FNDC3B: variants seen among roughly 807,000 people sequenced by gnomAD.
FNDC3B encodes fibronectin type III domain-containing protein 3B.
FNDC3B carries 12 observed loss-of-function variants against 151.5 expected under a neutral mutation model. The ratio of observed to expected loss-of-function variants is 0.08; its 90% confidence interval spans 0.05 to 0.13. The LOEUF (loss-of-function observed/expected upper bound fraction) is 0.13, where lower values mean the gene tolerates loss of function less well. Ranked by LOEUF, FNDC3B falls within the 10% of genes least tolerant of loss-of-function variation. FNDC3B has a pLI of 1.00. For missense variants in FNDC3B, 1,214 were observed against 1,505.3 expected (o/e 0.81, Z 3.20); for synonymous variants, 528 against 549.0 (o/e 0.96, Z 0.54).
At chr3:172,239,318 T>A (rs111247169) in intron 4 of FNDC3B, among the ~76,000 whole-genome samples, 1,854 of 152,284 alleles carry the variant, frequency 0.012, 24 homozygotes, top group Middle Eastern at 0.02. Flanking sequence ...GTTCTTCTCT[T>A]TGTTCATTGT....
intron 9 of FNDC3B, among the ~76,000 whole-genome samples, chr3:172,299,693 T>G (rs959750616): frequency 1.3e-4 from 20 of 152,174 alleles, no homozygotes; most frequent in Non-Finnish European, 2.9e-4. Flanking sequence ...TATACATCTA[T>G]TACTATACTT....
rs539301599 is a variant in FNDC3B, at chr3:172,352,688, C to A, written c.2515-115C>A. ...AGACATTTTCTAGGATTTATTTCTA[C>A]CTGCATATGTGGAAATGTGTACTAC... On this transcript the variant is annotated intron_variant, in intron 21 of 25. Transcript: ENST00000415807. The surrounding 1 kb of genome is among the most constrained non-coding windows in gnomAD (Gnocchi z 4.2). The A allele has an allele frequency of 2.1e-5, 21 of 1,024,080 alleles. No homozygotes were observed. In the African/African-American group the frequency reaches 2.6e-4, roughly 12 times the overall value. The allele number at this position is 1,024,080 out of a possible 1,614,324, so 63.4% of individuals were successfully genotyped here.
At position 172,228,956 on chromosome 3, in the gene FNDC3B, C is replaced by T. The variant is rs1292385802; in HGVS notation, c.264+2009C>T. Among the ~76,000 whole-genome samples, 9 of 152,030 alleles carry T rather than the reference C, an allele frequency of 5.9e-5. No homozygotes were observed. The East Asian group carries it at 7.7e-4, about 13-fold the overall frequency. ...GATGTGTACACAACATCTTCTTTAA[C>T]GCTGGCAGTACACACACTTCAATGA... On this transcript the variant is annotated intron_variant, in intron 4 of 25. Transcript: ENST00000415807.
At chr3:172,104,398 A>C (rs531208954) in intron 1 of FNDC3B, among the ~76,000 whole-genome samples, 1 of 150,538 alleles carries the variant, frequency 6.6e-6, no homozygotes, top group African/African-American at 2.4e-5. Context: ...CCTGTCCACT[A>C]TAGTTTTTTT....
chr3:172,059,887 C>T (rs1717107114), intron 1 of FNDC3B, among the ~76,000 whole-genome samples: 1 of 152,146 alleles, frequency 6.6e-6, no homozygotes, highest in Non-Finnish European at 1.5e-5. Flanking sequence ...ATTCCTAGGG[C>T]AGTTCCTTTT....
intron 11 of FNDC3B, 57 bp from the exon 12 acceptor site, chr3:172,328,895 G>T (rs1440791023): frequency 1.5e-6 from 2 of 1,329,352 alleles, no homozygotes; most frequent in Middle Eastern, 1.9e-4. Context: ...TTTATTTAGG[G>T]TTATCTGTTG....
At chr3:172,124,132 C>T (rs1003189121) in intron 2 of FNDC3B, among the ~76,000 whole-genome samples, 1 of 152,084 alleles carries the variant, frequency 6.6e-6, no homozygotes, top group Non-Finnish European at 1.5e-5. Flanking sequence ...GCTCTGTCGC[C>T]CAGGCTGGAG....
At chr3:172,275,626 G>C (rs554208141) in intron 6 of FNDC3B, among the ~76,000 whole-genome samples, 16 of 152,290 alleles carry the variant, frequency 1.1e-4, no homozygotes, top group Non-Finnish European at 1.6e-4. Context: ...TAATACCAGA[G>C]AGCTTCTATT....
chr3:172,159,715 C>G (rs1722673159), intron 3 of FNDC3B, among the ~76,000 whole-genome samples: 1 of 152,000 alleles, frequency 6.6e-6, no homozygotes. Context: ...TTGGGTTTGT[C>G]AGTAATAGCT....
chr3:172,199,182 T>A (rs970449586), intron 3 of FNDC3B, among the ~76,000 whole-genome samples: 2 of 146,244 alleles, frequency 1.4e-5, no homozygotes, highest in African/African-American at 5.2e-5. Flanking sequence ...TTATTTTATT[T>A]TTTATTTTTT....
chr3:172,215,276 C>T (rs948678614), intron 3 of FNDC3B, among the ~76,000 whole-genome samples: 5 of 152,214 alleles, frequency 3.3e-5, no homozygotes, highest in Non-Finnish European at 7.3e-5. Context: ...TTCTCTGTCC[C>T]CACTGGGAGA....
intron 8 of FNDC3B, 32 bp from the exon 9 acceptor site, chr3:172,298,696 A>T: frequency 6.5e-7 from 1 of 1,546,784 alleles, no homozygotes; most frequent in Non-Finnish European, 8.9e-7. Flanking sequence ...TGAAACTGGA[A>T]TTAGCAACTA....
intron 2 of FNDC3B, among the ~76,000 whole-genome samples, chr3:172,130,391 A>G (rs1388620166): frequency 1.3e-5 from 2 of 152,138 alleles, no homozygotes; most frequent in Non-Finnish European, 2.9e-5. Context: ...TGCTATGGCT[A>G]CTCAGCAGCA....
intron 4 of FNDC3B, among the ~76,000 whole-genome samples, chr3:172,233,689 C>T (rs73880132): frequency 0.014 from 2,097 of 152,296 alleles, 56 homozygotes; most frequent in African/African-American, 0.048. Context: ...TCACCTTCAA[C>T]GTTGTGAAAA....
At chr3:172,088,248 G>A (rs1293069160) in intron 1 of FNDC3B, among the ~76,000 whole-genome samples, 2 of 152,254 alleles carry the variant, frequency 1.3e-5, no homozygotes, top group Non-Finnish European at 2.9e-5. Flanking sequence ...TAGCAAAACC[G>A]CTGTACTGGT....
intron 9 of FNDC3B, among the ~76,000 whole-genome samples, chr3:172,303,324 C>T (rs1380292015): frequency 6.6e-6 from 1 of 152,132 alleles, no homozygotes; most frequent in African/African-American, 2.4e-5. Context: ...ATTTGGCAAA[C>T]AAGTTGCCCA....
At chr3:172,220,042 G>A (rs1726199550) in intron 3 of FNDC3B, among the ~76,000 whole-genome samples, 1 of 136,430 alleles carries the variant, frequency 7.3e-6, no homozygotes, top group Non-Finnish European at 1.6e-5. Context: ...GAATTGGTGG[G>A]TCATAAGGTA....
At chr3:172,388,126 T>A (rs1735813843) in intron 25 of FNDC3B, among the ~76,000 whole-genome samples, 1 of 152,310 alleles carries the variant, frequency 6.6e-6, no homozygotes, top group South Asian at 2.1e-4. Flanking sequence ...GATGATAACA[T>A]GGTGCAATTA....
chr3:172,194,107 C>A (rs1039229646), intron 3 of FNDC3B, among the ~76,000 whole-genome samples: 1 of 152,088 alleles, frequency 6.6e-6, no homozygotes, highest in African/African-American at 2.4e-5. Flanking sequence ...GTAGTCCCAG[C>A]TACTTGGGAG....
Sources: allele counts gnomAD v4.1 joint callset (sites outside exome capture counted in the v4.1 genomes callset), GRCh38; gene constraint gnomAD v4.1.1; non-coding constraint Gnocchi (gnomAD v3.1); transcripts MANE v1.5; gene names NCBI Gene and HGNC (gene_info 2026-07-23, HGNC 2026-07-21).